Variants in SAMMSON observed in about 807,000 individuals in gnomAD.
SAMMSON encodes the protein survival associated mitochondrial melanoma specific oncogenic non-coding RNA, also known as long intergenic non-protein coding RNA 1212.
rs73105905 is a variant in SAMMSON at position 70,073,095 on chromosome 3, G to A, written n.507+1530G>A. On this transcript the variant is annotated intron_variant and non_coding_transcript_variant, in intron 4 of 9. Transcript: ENST00000642114. The stretch of plus-strand genomic sequence containing the variant: ...GAACCCTACTCTTTGTTTTAGGTTT[G>A]CCTAGCATCCAGTCAGAGATGGGTA... 3.9e-3 allele frequency among the ~76,000 whole-genome samples: 586 copies of A among 152,040 alleles called. 2 individuals carry two copies. Among genetic ancestry groups the A allele is most frequent in the Non-Finnish European group, 5.8e-3 (391 of 67,924 alleles).
chr3:70,165,638 G>A (rs959489632), intron 4 of SAMMSON, among the ~76,000 whole-genome samples: 1 of 151,940 alleles, frequency 6.6e-6, no homozygotes, highest in Non-Finnish European at 1.5e-5. Context: ...GGAAGTTGTT[G>A]TCCAGAAATG....
chr3:70,289,790 C>T (rs938666422), intron 6 of SAMMSON, among the ~76,000 whole-genome samples: 20 of 152,230 alleles, frequency 1.3e-4, no homozygotes, highest in Middle Eastern at 3.4e-3. Context: ...AACTTTCCTT[C>T]TCGCTTCATT....
At chr3:70,111,138 T>C (rs2067387163) in intron 4 of SAMMSON, among the ~76,000 whole-genome samples, 1 of 152,192 alleles carries the variant, frequency 6.6e-6, no homozygotes, top group Admixed American at 6.5e-5. Context: ...GTGTGTTATA[T>C]TGTTTTTAAA....
At chr3:70,120,708 A>C (rs1034858898) in intron 4 of SAMMSON, 1 of 152,198 alleles carries the variant, frequency 6.6e-6, no homozygotes. Flanking sequence ...AAAACGCAGG[A>C]GAGTATCCTC....
intron 1 of SAMMSON, among the ~76,000 whole-genome samples, chr3:70,010,924 A>G (rs1423129516): frequency 6.6e-6 from 1 of 152,112 alleles, no homozygotes; most frequent in East Asian, 1.9e-4. Context: ...TCGTGAGAAC[A>G]GCATGCAGGT....
chr3:70,125,357 C>A, intron 4 of SAMMSON: 1 of 1,458,580 alleles, frequency 6.9e-7, no homozygotes, highest in Non-Finnish European at 9.4e-7. Flanking sequence ...TACATAAATT[C>A]TACAGTTTGG....
intron 9 of SAMMSON, among the ~76,000 whole-genome samples, chr3:70,375,865 T>G (rs143501289): frequency 1.9e-3 from 287 of 152,326 alleles, no homozygotes; most frequent in African/African-American, 5.7e-3. Flanking sequence ...GTTTTTATTC[T>G]TTTCATATCT....
intron 4 of SAMMSON, among the ~76,000 whole-genome samples, chr3:70,218,415 T>C (rs902319203): frequency 3.3e-5 from 5 of 152,076 alleles, no homozygotes; most frequent in Non-Finnish European, 5.9e-5. Context: ...AGCTTTACAG[T>C]AAAAAATCTG....
At chr3:70,372,941 C>T (rs1290344674) in intron 9 of SAMMSON, among the ~76,000 whole-genome samples, 4 of 152,028 alleles carry the variant, frequency 2.6e-5, no homozygotes, top group African/African-American at 9.7e-5. Context: ...TATTTTTATC[C>T]GTTTATAATT....
At chr3:70,126,770 CAGTGG>C in intron 4 of SAMMSON, 1 of 230,332 alleles carries the variant, frequency 4.3e-6, no homozygotes, top group East Asian at 1.3e-4. Flanking sequence ...GGCTGGAGTG[CAGTGG>C]CACAGTCTCT....
chr3:70,176,004 C>T (rs1701006117), intron 4 of SAMMSON, among the ~76,000 whole-genome samples: 1 of 152,044 alleles, frequency 6.6e-6, no homozygotes, highest in Non-Finnish European at 1.5e-5. Context: ...TGCCTTTTCT[C>T]CAAGACTCAG....
rs1344514223 is a variant in SAMMSON at position 70,315,618 on chromosome 3, C to A, written n.739+24375C>A. ...ACATTTAACCCATTTATTGATCCAC[C>A]TAGTGATATCCTTGGGCCCCCCAAA... On this transcript the variant is annotated intron_variant and non_coding_transcript_variant, in intron 7 of 9. Coordinates refer to ENST00000642114, the Ensembl canonical transcript of SAMMSON. Among the ~76,000 whole-genome samples, 5 of 152,118 alleles carry A rather than the reference C, an allele frequency of 3.3e-5. No individual in the cohort carries two copies. The South Asian group carries it at 6.2e-4, about 19-fold the overall frequency.
chr3:70,011,565 G>C (rs2066955894), intron 1 of SAMMSON, among the ~76,000 whole-genome samples: 1 of 151,186 alleles, frequency 6.6e-6, no homozygotes, highest in East Asian at 1.9e-4. Context: ...AGAGTGAAGA[G>C]ACTCCATAAT....
At chr3:70,430,087 G>A (rs1261362762) in intron 2 of SAMMSON, among the ~76,000 whole-genome samples, 1 of 152,164 alleles carries the variant, frequency 6.6e-6, no homozygotes, top group African/African-American at 2.4e-5. Flanking sequence ...CATTCAGTAT[G>A]ATATTGGATG....
intron 4 of SAMMSON, among the ~76,000 whole-genome samples, chr3:70,236,035 A>G (rs1162774483): frequency 1.3e-5 from 2 of 152,218 alleles, no homozygotes; most frequent in African/African-American, 4.8e-5. Context: ...GAGCAAATGC[A>G]TCATTCTACT....
intron 4 of SAMMSON, among the ~76,000 whole-genome samples, chr3:70,131,111 G>A (rs2067480678): frequency 1.3e-5 from 2 of 152,170 alleles, no homozygotes; most frequent in Admixed American, 1.3e-4. Context: ...ACTCAAGCCA[G>A]TTTTAAAAAT....
intron 2 of SAMMSON, among the ~76,000 whole-genome samples, chr3:70,423,801 T>C (rs1040498888): frequency 6.6e-6 from 1 of 152,154 alleles, no homozygotes; most frequent in South Asian, 2.1e-4. Flanking sequence ...TTATAAGTGT[T>C]CTTCATAATA....
At chr3:70,267,107 G>C (rs75531531) in intron 6 of SAMMSON, among the ~76,000 whole-genome samples, 11 of 152,062 alleles carry the variant, frequency 7.2e-5, no homozygotes, top group Non-Finnish European at 1.6e-4. Flanking sequence ...AGCTGGGGAG[G>C]GGGTGGGAAG....
At chr3:70,274,638 C>T (rs9310187) in intron 6 of SAMMSON, among the ~76,000 whole-genome samples, 134,641 of 151,992 alleles carry the variant, frequency 0.89, 59,866 homozygotes, top group African/African-American at 0.95. Context: ...GGGGATGGAG[C>T]GGTGGGGAGG....
Sources: gnomAD v4.1 joint callset for allele counts (sites outside exome capture counted in the v4.1 genomes callset) on GRCh38, gnomAD v4.1.1 for gene constraint, MANE v1.5 for transcripts, NCBI Gene and HGNC (gene_info 2026-07-23, HGNC 2026-07-21) for gene names.